Variants in NCALD observed in about 807,000 individuals in gnomAD.
NCALD encodes the protein neurocalcin delta, also known as neurocalcin-delta.
A neutral mutation model predicts 18.6 loss-of-function variants in NCALD; 10 were observed. The ratio of observed to expected loss-of-function variants is 0.54; its 90% CI spans 0.33 to 0.91. NCALD has a LOEUF of 0.91. Ranked by LOEUF, NCALD falls within the 40% of genes least tolerant of loss-of-function variation. The probability of loss-of-function intolerance (pLI) is 0.03; values close to 1 mark genes in which losing one functional copy is unlikely to be tolerated. For missense variants in NCALD, 184 were observed against 247.6 expected, an observed-to-expected ratio of 0.74 and a Z score of 1.72; for synonymous variants, 88 against 87.4, an observed-to-expected ratio of 1.01 and a Z score of -0.04.
intron 1 of NCALD, among the ~76,000 whole-genome samples, chr8:101,750,913 G>A (rs1028721248): frequency 7.2e-5 from 11 of 152,130 alleles, no homozygotes; most frequent in African/African-American, 2.4e-4. Flanking sequence ...AGTGGCTCTC[G>A]TTTTCAGCAA....
At chr8:101,946,489 G>C (rs920941154) in intron 2 of NCALD, among the ~76,000 whole-genome samples, 2 of 151,974 alleles carry the variant, frequency 1.3e-5, no homozygotes, top group Admixed American at 1.3e-4. Flanking sequence ...CAATTTTTTT[G>C]CACCAAAATA....
chr8:102,101,906 T>C (rs1040519713), intron 1 of NCALD, among the ~76,000 whole-genome samples: 2 of 152,226 alleles, frequency 1.3e-5, no homozygotes, highest in African/African-American at 4.8e-5. Flanking sequence ...TTCTATCTTA[T>C]GGAGTTGAAG....
chr8:102,059,115 G>T (rs1823754322), intron 1 of NCALD, among the ~76,000 whole-genome samples: 1 of 152,174 alleles, frequency 6.6e-6, no homozygotes. Context: ...ACAAGTTTGT[G>T]GTAGTTTATT....
At chr8:101,750,846 C>T (rs1422832018) in intron 1 of NCALD, among the ~76,000 whole-genome samples, 5 of 152,118 alleles carry the variant, frequency 3.3e-5, no homozygotes, top group African/African-American at 1.2e-4. Context: ...TTGCACTTGG[C>T]CCTGGGAAAT....
At chr8:101,877,737 C>T (rs1816287106) in intron 4 of NCALD, among the ~76,000 whole-genome samples, 1 of 152,006 alleles carries the variant, frequency 6.6e-6, no homozygotes, top group Admixed American at 6.6e-5. Context: ...TCTTTTTGCC[C>T]CTTTTTTTCT....
intron 4 of NCALD, among the ~76,000 whole-genome samples, chr8:101,821,061 T>C (rs894546218): frequency 8.5e-5 from 13 of 152,216 alleles, no homozygotes; most frequent in African/African-American, 2.7e-4. Context: ...CACACGCATA[T>C]ACACAAGATT....
intron 2 of NCALD, among the ~76,000 whole-genome samples, chr8:101,949,291 C>T (rs538753925): frequency 2.0e-4 from 31 of 152,164 alleles, no homozygotes; most frequent in African/African-American, 9.6e-5. Context: ...GAATGTAAGA[C>T]GCACACTCAG....
intron 1 of NCALD, among the ~76,000 whole-genome samples, chr8:102,069,044 G>A (rs1824098303): frequency 6.6e-6 from 1 of 152,136 alleles, no homozygotes; most frequent in Non-Finnish European, 1.5e-5. Context: ...AGTGGAGGAT[G>A]GGAGAATGGG....
chr8:101,868,038 A>C (rs1815846886), intron 4 of NCALD, among the ~76,000 whole-genome samples: 1 of 152,178 alleles, frequency 6.6e-6, no homozygotes, highest in African/African-American at 2.4e-5. Context: ...ATGTAGCAAC[A>C]CTGGGCCCCT....
At chr8:101,855,633 A>G (rs576890960) in intron 4 of NCALD, among the ~76,000 whole-genome samples, 1 of 152,290 alleles carries the variant, frequency 6.6e-6, no homozygotes, top group African/African-American at 2.4e-5. Flanking sequence ...AAGAATTTGC[A>G]ATGATCATCA....
Position 102,090,583 on chromosome 8 carries a change from C to CT in NCALD, c.-210+33653dup, listed in dbSNP as rs367818790. Reference sequence around the variant, plus strand: ...TGAACTAATAAAAAACTGAAGTAATCTTTTTTTTACTTTTTTGCTTAAAAC... The same window carrying CT: ...TGAACTAATAAAAAACTGAAGTAATCTTTTTTTTTACTTTTTTGCTTAAAAC... On this transcript the variant is annotated intron_variant, in intron 1 of 6. Transcript: ENST00000311028. Among the ~76,000 whole-genome samples the CT allele has an allele frequency of 1.8e-3, 281 of 152,052 alleles. 3 individuals are homozygous for CT. The highest frequency in any genetic ancestry group is 6.2e-3 in the African/African-American group (259 of 41,476).
intron 3 of NCALD, chr8:101,690,243 C>T: frequency 1.0e-6 from 1 of 985,406 alleles, no homozygotes; most frequent in Non-Finnish European, 1.2e-6. Context: ...AGGCTTTTCC[C>T]ATTCCTGGTG....
chr8:102,001,680 A>G lies in NCALD; in HGVS notation c.-157+18557T>C, dbSNP rs377612097. ...CCATCAGACTAACAGCTGATCTCTC[A>G]GCAGAAACTCTACAAGCCAGAAGAG... On this transcript the variant is annotated intron_variant, in intron 2 of 6. Coordinates refer to the NCALD transcript ENST00000311028. 5.2e-4 allele frequency among the ~76,000 whole-genome samples: 79 copies of G among 152,312 alleles called. 2 individuals carry two copies. The South Asian group carries it at 0.014, about 27-fold the overall frequency.
At chr8:102,047,462 C>T (rs750065783) in intron 1 of NCALD, among the ~76,000 whole-genome samples, 7 of 152,124 alleles carry the variant, frequency 4.6e-5, no homozygotes, top group Non-Finnish European at 7.4e-5. Context: ...GTATGGTAGC[C>T]GCTAGCCATG....
chr8:101,766,338 A>C (rs1329513159), intron 1 of NCALD, among the ~76,000 whole-genome samples: 2 of 147,824 alleles, frequency 1.4e-5, no homozygotes, highest in East Asian at 2.0e-4. Context: ...AAGCTCATTG[A>C]AAACAAATTC....
At chr8:101,871,431 C>T (rs143153036) in intron 4 of NCALD, among the ~76,000 whole-genome samples, 5 of 152,276 alleles carry the variant, frequency 3.3e-5, no homozygotes, top group Non-Finnish European at 7.4e-5. Context: ...TGGAACTCAT[C>T]GGCTTTGACA....
At chr8:102,080,658 G>A (rs1824497596) in intron 1 of NCALD, among the ~76,000 whole-genome samples, 1 of 152,174 alleles carries the variant, frequency 6.6e-6, no homozygotes, top group Non-Finnish European at 1.5e-5. Context: ...GTGGGCTCTG[G>A]GGAACCTCTG....
intron 1 of NCALD, among the ~76,000 whole-genome samples, chr8:102,048,136 T>C (rs529278882): frequency 2.0e-5 from 3 of 152,306 alleles, no homozygotes; most frequent in East Asian, 1.9e-4. Flanking sequence ...ACTAAAAATA[T>C]TGGAGCTTTA....
At chr8:101,753,348 T>A (rs1477268144) in intron 1 of NCALD, among the ~76,000 whole-genome samples, 2 of 152,104 alleles carry the variant, frequency 1.3e-5, no homozygotes, top group African/African-American at 4.8e-5. Context: ...AATGTGAATT[T>A]AAGAGGTATT....
Sources: allele counts gnomAD v4.1 joint callset (sites outside exome capture counted in the v4.1 genomes callset), GRCh38; gene constraint gnomAD v4.1.1; transcripts MANE v1.5; gene names NCBI Gene and HGNC (gene_info 2026-07-23, HGNC 2026-07-21).